The following ACSS3 variants were observed in gnomAD, a reference collection of about 807,000 sequenced individuals.
ACSS3 encodes acyl-CoA synthetase short chain family member 3.
ACSS3 carries 64 observed loss-of-function variants against 84.2 expected under a neutral mutation model. That is an observed-to-expected ratio of 0.76 (90% CI 0.62 to 0.94). The LOEUF (loss-of-function observed/expected upper bound fraction) is 0.94, where lower values mean the gene tolerates loss of function less well. Among genes scored for constraint, ACSS3 ranks in the 40% least tolerant of loss-of-function variants. The pLI is 0.00. For missense variants in ACSS3, 815 were observed against 867.6 expected, an observed-to-expected ratio of 0.94 and a Z score of 0.76; for synonymous variants, 317 against 310.1, an observed-to-expected ratio of 1.02 and a Z score of -0.23.
chr12:81,149,259 A>G (rs1027215618), intron 5 of ACSS3, among the ~76,000 whole-genome samples: 2 of 152,228 alleles, frequency 1.3e-5, no homozygotes, highest in Admixed American at 6.5e-5. Flanking sequence ...TAGTTATAGT[A>G]TAATGGTTTG....
intron 1 of ACSS3, among the ~76,000 whole-genome samples, chr12:81,091,572 T>G (rs962084192): frequency 1.1e-4 from 17 of 152,066 alleles, no homozygotes. Context: ...TTAGTAGACC[T>G]AATTTGATGA....
At chr12:81,077,894 T>C (rs749343041), upstream of ACSS3, 86 of 497,384 alleles carry the variant, frequency 1.7e-4, no homozygotes, top group Non-Finnish European at 2.5e-4. Flanking sequence ...ACTAACCTGC[T>C]GCAACGGCGC....
intron 9 of ACSS3, among the ~76,000 whole-genome samples, chr12:81,210,825 A>G (rs1268516548): frequency 2.0e-5 from 3 of 152,220 alleles, no homozygotes; most frequent in Non-Finnish European, 4.4e-5. Flanking sequence ...ATAAATCATG[A>G]TAAGACTGAT....
Position 81,078,153 on chromosome 12 carries a change from C to T in ACSS3, c.33C>T (p.Val11=). Residue 11 remains valine (V), a synonymous_variant, in exon 1 of 16, where the codon GTC becomes GTT. Transcript: ENST00000548058. ...CGTCTTGGCTGCAGTGTCGTAAAGT[C>T]ACCAGCGCCGGGGGGCTCGGAGGGC... MKPSWLQCRK[V]TSAGGLGGPL... is the part of the protein sequence containing the mutation. The T allele has an allele frequency of 1.3e-6, 2 of 1,511,134 alleles. No individual in the cohort carries two copies. The highest frequency in any genetic ancestry group is 2.5e-5 in the South Asian group (2 of 79,928). The allele number at this position is 1,511,134 out of a possible 1,614,324, so 93.6% of individuals were successfully genotyped here. A position where few individuals can be genotyped will look rare whatever the true frequency, so the allele number is the denominator to read the frequency against.
At chr12:81,108,268 ATTATT>A (rs1429226262) in intron 1 of ACSS3, among the ~76,000 whole-genome samples, 1 of 56,582 alleles carries the variant, frequency 1.8e-5, no homozygotes, top group Non-Finnish European at 6.5e-5. Context: ...ATTATTAATT[ATTATT>A]ATTATTATTA....
chr12:81,101,936 T>G (rs1348149886), intron 1 of ACSS3, among the ~76,000 whole-genome samples: 1 of 152,126 alleles, frequency 6.6e-6, no homozygotes, highest in East Asian at 1.9e-4. Context: ...TTCTTATTAA[T>G]TTGTAGAAAC....
intron 1 of ACSS3, among the ~76,000 whole-genome samples, chr12:81,082,199 C>T (rs6539554): frequency 0.41 from 61,961 of 152,006 alleles, 14,870 homozygotes; most frequent in Non-Finnish European, 0.56. Context: ...GGTAGGTTTT[C>T]GACCCTGGCC....
At position 81,134,907 on chromosome 12, in the gene ACSS3, A is replaced by T. The variant is rs943505514; in HGVS notation, c.548A>T (p.Tyr183Phe). The T allele has an allele frequency of 2.5e-6, 4 of 1,607,932 alleles. No homozygotes were observed. Among genetic ancestry groups the T allele is most frequent in the Non-Finnish European group, 1.7e-6 (2 of 1,176,768 alleles). ...ATGCCTATGATCCCACAGGCGATGT[A>T]TACCATGTTGGCATGTGCAAGGATA... is the stretch of plus-strand genomic sequence containing the variant. The part of the protein sequence containing the change: ...IYMPMIPQAM[Y>F]TMLACARIGA... The change falls in exon 3 of 16, where the codon TAT (tyrosine) becomes TTT (phenylalanine). Residue 183 changes from tyrosine (Y) to phenylalanine (F), a missense_variant. Physicochemically the swap from Tyr to Phe is conservative, Grantham distance 22. Transcript: ENST00000548058.
intron 4 of ACSS3, among the ~76,000 whole-genome samples, chr12:81,141,763 A>T (rs551355073): frequency 3.9e-5 from 6 of 152,166 alleles, no homozygotes; most frequent in Admixed American, 3.9e-4. Flanking sequence ...GATAATTTGC[A>T]ATTAGTTGCT....
chr12:81,106,678 AT>A (rs1209799775), intron 1 of ACSS3, among the ~76,000 whole-genome samples: 10 of 152,086 alleles, frequency 6.6e-5, no homozygotes, highest in Non-Finnish European at 1.2e-4. Context: ...TATTTGAAAT[AT>A]TTTTGTTGAC....
chr12:81,171,809 T>C (rs2030066598), intron 7 of ACSS3, among the ~76,000 whole-genome samples: 1 of 152,196 alleles, frequency 6.6e-6, no homozygotes, highest in Non-Finnish European at 1.5e-5. Context: ...GTGTACATCA[T>C]AGAGTATACT....
intron 8 of ACSS3, among the ~76,000 whole-genome samples, chr12:81,180,976 G>A (rs2030881049): frequency 2.0e-5 from 3 of 152,174 alleles, no homozygotes; most frequent in Non-Finnish European, 2.9e-5. Flanking sequence ...AAGTCAAAAA[G>A]TGGGCTTGAA....
At chr12:81,253,995 GCTCA>G (rs1263006354) in intron 15 of ACSS3, among the ~76,000 whole-genome samples, 6 of 152,032 alleles carry the variant, frequency 3.9e-5, no homozygotes, top group African/African-American at 1.4e-4. Context: ...TACAATCATG[GCTCA>G]CTACAGCCAC....
At chr12:81,253,778 G>T in intron 15 of ACSS3, 108 bp downstream of exon 15, 1 of 1,089,946 alleles carries the variant, frequency 9.2e-7, no homozygotes. Flanking sequence ...TGCATCTCTA[G>T]AAAACACATA....
chr12:81,229,323 T>C (rs1469017469), intron 11 of ACSS3, among the ~76,000 whole-genome samples: 1 of 151,944 alleles, frequency 6.6e-6, no homozygotes, highest in Non-Finnish European at 1.5e-5. Context: ...TTTGCTTCAC[T>C]CACTAATGTT....
intron 5 of ACSS3, among the ~76,000 whole-genome samples, chr12:81,151,049 A>C (rs897815432): frequency 6.6e-6 from 1 of 152,220 alleles, no homozygotes; most frequent in African/African-American, 2.4e-5. Flanking sequence ...TTTTTAAAAC[A>C]ATAAATGAAC....
chr12:81,212,359 T>C (rs1410570385), intron 9 of ACSS3, among the ~76,000 whole-genome samples: 1 of 152,218 alleles, frequency 6.6e-6, no homozygotes, highest in Non-Finnish European at 1.5e-5. Flanking sequence ...CCACCAGTAA[T>C]GCTATTTGCA....
chr12:81,209,818 C>T (rs1359236188), intron 9 of ACSS3, among the ~76,000 whole-genome samples: 1 of 152,116 alleles, frequency 6.6e-6, no homozygotes, highest in East Asian at 1.9e-4. Context: ...AAGTGCGGGT[C>T]CCTCCCCTTT....
chr12:81,197,612 C>T (rs2031898296), intron 8 of ACSS3, among the ~76,000 whole-genome samples: 1 of 152,052 alleles, frequency 6.6e-6, no homozygotes, highest in Non-Finnish European at 1.5e-5. Context: ...TATGAAAATA[C>T]TCCTCTTTCC....
Sources: allele counts gnomAD v4.1 joint callset (sites outside exome capture counted in the v4.1 genomes callset), GRCh38; gene constraint gnomAD v4.1.1; transcripts MANE v1.5; gene names NCBI Gene and HGNC (gene_info 2026-07-23, HGNC 2026-07-21).